Variants in SULF2 observed in about 807,000 individuals in gnomAD.
SULF2 encodes the protein extracellular sulfatase Sulf-2.
A neutral mutation model predicts 107.7 loss-of-function variants in SULF2; 52 were observed. That is an observed-to-expected ratio of 0.48 (90% CI 0.39 to 0.61). The LOEUF (loss-of-function observed/expected upper bound fraction) is 0.61, where lower values mean the gene tolerates loss of function less well. SULF2 is among the 20% of genes least tolerant of loss of function. SULF2 has a pLI of 0.00. For missense variants in SULF2, 993 were observed against 1,177.3 expected (o/e 0.84, Z 2.29); for synonymous variants, 460 against 464.3 (o/e 0.99, Z 0.12).
intron 1 of SULF2, 87 bp from the exon 2 acceptor site, chr20:47,757,550 A>G: frequency 3.0e-6 from 2 of 674,842 alleles, no homozygotes; most frequent in Non-Finnish European, 4.8e-6. Context: ...GGCGGCTGGC[A>G]TGAACAATGG....
Position 47,710,801 on chromosome 20 carries a change from C to T in SULF2, c.416-8131G>A, listed in dbSNP as rs11086222. 4.5e-3 allele frequency among the ~76,000 whole-genome samples: 683 copies of T among 152,224 alleles called. 10 individuals carry two copies. Among genetic ancestry groups the T allele is most frequent in the South Asian group, 0.044 (213 of 4,810 alleles). Reference sequence around the variant, plus strand: ...CACCCTGCTTCGTGGCCCAGCAGGTCGGCCACTTCCCCTGCAGGCAGCTCT... The same window carrying T: ...CACCCTGCTTCGTGGCCCAGCAGGTTGGCCACTTCCCCTGCAGGCAGCTCT... On this transcript the variant is annotated intron_variant, in intron 3 of 20. Coordinates refer to ENST00000688720, the MANE Select transcript of SULF2 (RefSeq NM_001387048.1).
intron 3 of SULF2, among the ~76,000 whole-genome samples, chr20:47,731,185 CTCTTTTTTTTT>C (rs2089595639): frequency 2.1e-5 from 2 of 93,332 alleles, no homozygotes; most frequent in South Asian, 6.7e-4. Flanking sequence ...CCTGTATCTT[CTCTTTTTTTTT>C]TTTTTTTTTT....
chr20:47,735,532 G>A (rs1221987242), intron 3 of SULF2, among the ~76,000 whole-genome samples: 4 of 152,126 alleles, frequency 2.6e-5, no homozygotes, highest in Admixed American at 6.6e-5. Flanking sequence ...GCAACATCCA[G>A]GCCCCCGCCA....
chr20:47,750,178 C>T (rs1251786346), intron 2 of SULF2, among the ~76,000 whole-genome samples: 1 of 152,152 alleles, frequency 6.6e-6, no homozygotes, highest in East Asian at 1.9e-4. Context: ...GATGGGGTTT[C>T]ACTATGTTGG....
rs143543334 is a variant in SULF2 at position 47,702,536 on chromosome 20, C to T, written c.550G>A (p.Gly184Ser). ...LCRNGVKEKH[G>S]SDYSKDYLTD... ...CAGCTTACCTTGGAGTAGTCGGAGC[C>T]GTGCTTCTCTTTCACCCCGTTCCGA... The change falls in exon 4 of 21, where the codon GGC (glycine) becomes AGC (serine). Residue 184 changes from glycine to serine, a missense_variant. Transcript: ENST00000688720. The T allele has an allele frequency of 2.0e-5, 32 of 1,612,360 alleles. No individual in the cohort carries two copies. The African/African-American group carries it at 3.1e-4, about 15-fold the overall frequency.
chr20:47,707,110 C>T lies in SULF2; in HGVS notation c.416-4440G>A, dbSNP rs572238936. On this transcript the variant is annotated intron_variant, in intron 3 of 20. Coordinates refer to ENST00000688720, the MANE Select transcript of SULF2 (RefSeq NM_001387048.1). The stretch of plus-strand genomic sequence containing the variant: ...GTTCAAGTAATTCTTGTGCCTCAGC[C>T]TCCTGAGTAGCTGGGATTACAGGCA... Among the ~76,000 whole-genome samples the T allele has an allele frequency of 2.0e-5, 3 of 152,168 alleles. No individual in the cohort carries two copies. In the South Asian group the frequency reaches 6.2e-4, roughly 32 times the overall value.
intron 1 of SULF2, among the ~76,000 whole-genome samples, chr20:47,775,384 G>A (rs1395555405): frequency 1.3e-5 from 2 of 152,346 alleles, no homozygotes; most frequent in East Asian, 3.9e-4. Flanking sequence ...CCATTTGAAT[G>A]GGGTTGTTTT....
At position 47,757,331 on chromosome 20, in the gene SULF2, C is replaced by G. The variant is rs149439673; in HGVS notation, c.33G>C (p.Leu11=). The part of the protein sequence containing the change: MGPPSLVLCL[L]SATVFSLLGG... ...CCAGCAGGGAGAACACAGTTGCGGA[C>G]AGCAAGCACAGCACGAGGCTCGGGG... Residue 11 remains leucine (L), a synonymous_variant, in exon 2 of 21, where the codon CTG becomes CTC. Coordinates refer to ENST00000688720, the MANE Select transcript of SULF2 (RefSeq NM_001387048.1). The G allele has an allele frequency of 1.6e-3, 2,524 of 1,602,718 alleles. 13 individuals are homozygous for G. Among genetic ancestry groups the G allele is most frequent in the Middle Eastern group, 0.01 (62 of 6,052 alleles).
intron 5 of SULF2, among the ~76,000 whole-genome samples, chr20:47,689,137 T>C (rs1291742265): frequency 6.6e-6 from 1 of 152,146 alleles, no homozygotes; most frequent in Non-Finnish European, 1.5e-5. Context: ...TCAGGTAAGT[T>C]ACCTTACCTC....
intron 11 of SULF2, among the ~76,000 whole-genome samples, chr20:47,667,789 T>C (rs2087326604): frequency 6.6e-6 from 1 of 151,682 alleles, no homozygotes; most frequent in Non-Finnish European, 1.5e-5. Context: ...CCCGAGATGG[T>C]GACCAAAGAG....
chr20:47,672,208 G>C lies in SULF2; in HGVS notation c.1566C>G (p.Leu522=), dbSNP rs199852198. Residue 522 remains leucine (L), a synonymous_variant, in exon 11 of 21, where the codon CTC becomes CTG. Transcript: ENST00000688720. ...GGTTGTGACACTTACTCTTCTTGAA[G>C]AGTTTTTTCCGGCGTCCGGCCAGGC... ...KLSLAGRRKK[L]FKKKYKASYV... The C allele has an allele frequency of 1.2e-6, 2 of 1,608,062 alleles. No homozygotes were observed. Among genetic ancestry groups the C allele is most frequent in the Middle Eastern group, 1.7e-4 (1 of 5,972 alleles).
At chr20:47,663,275 G>A in intron 16 of SULF2, 63 bp from the exon 17 acceptor site, 1 of 1,606,020 alleles carries the variant, frequency 6.2e-7, no homozygotes, top group Non-Finnish European at 8.5e-7. Context: ...TGCCAACAGT[G>A]ATTCCTGTCA....
At chr20:47,775,108 C>A (rs899550425) in intron 1 of SULF2, among the ~76,000 whole-genome samples, 1 of 152,174 alleles carries the variant, frequency 6.6e-6, no homozygotes, top group African/African-American at 2.4e-5. Flanking sequence ...AGCCACACTG[C>A]CTGGTATTCA....
intron 2 of SULF2, among the ~76,000 whole-genome samples, chr20:47,746,840 T>TG (rs2090046272): frequency 7.8e-6 from 1 of 128,176 alleles, no homozygotes; most frequent in South Asian, 2.5e-4. Context: ...TGTTGTGGGG[T>TG]GGGGGGAGAG....
At chr20:47,703,341 C>CA (rs2088629467) in intron 3 of SULF2, among the ~76,000 whole-genome samples, 7 of 152,182 alleles carry the variant, frequency 4.6e-5, no homozygotes, top group Admixed American at 3.9e-4. Context: ...CAGATTCTGC[C>CA]AACATACTGT....
In SULF2 at chr20:47,667,275, C is replaced by T. The variant is rs1602591805; in HGVS notation, c.1577-787G>A. ...GGGAAGCCACTTAGCTTCTTTGAGTCCCAGAGAGCTGGAGGCTGCCCACCA... is the reference window on the plus strand; with the variant it reads ...GGGAAGCCACTTAGCTTCTTTGAGTTCCAGAGAGCTGGAGGCTGCCCACCA... On this transcript the variant is annotated intron_variant, in intron 11 of 20. Transcript: ENST00000688720. Among the ~76,000 whole-genome samples, 4 of 152,232 alleles carry T rather than the reference C, an allele frequency of 2.6e-5. No homozygotes were observed. The East Asian group carries it at 7.7e-4, about 29-fold the overall frequency.
intron 2 of SULF2, among the ~76,000 whole-genome samples, chr20:47,749,698 G>A (rs191328454): frequency 6.4e-4 from 98 of 152,346 alleles, no homozygotes; most frequent in African/African-American, 2.1e-3. Flanking sequence ...ACAGGAGGCC[G>A]GCCAGACCTC....
intron 2 of SULF2, among the ~76,000 whole-genome samples, chr20:47,742,641 A>C (rs553732363): frequency 6.6e-6 from 1 of 152,290 alleles, no homozygotes; most frequent in South Asian, 2.1e-4. Flanking sequence ...TTTGTTTGAT[A>C]TTTGTATTTA....
In SULF2 at chr20:47,739,401, C is replaced by T. The variant is rs150397228; in HGVS notation, c.176-2459G>A. 4.9e-4 allele frequency among the ~76,000 whole-genome samples: 75 copies of T among 152,300 alleles called. No homozygotes were observed. The Middle Eastern group carries it at 0.014, about 28-fold the overall frequency. On this transcript the variant is annotated intron_variant, in intron 2 of 20. Transcript: ENST00000688720. ...TTACCACCAATCAAGGCACCAAGGT[C>T]GTGCCCCTGAGGTCCCAGTATTGCA...
Sources: allele counts gnomAD v4.1 joint callset (sites outside exome capture counted in the v4.1 genomes callset), GRCh38; gene constraint gnomAD v4.1.1; transcripts MANE v1.5; gene names NCBI Gene and HGNC (gene_info 2026-07-23, HGNC 2026-07-21).